Variants in PROM1 observed in about 807,000 individuals in gnomAD.
PROM1 encodes prominin-1.
Under a neutral mutation model 116.9 loss-of-function variants are expected in PROM1, and 105 were observed. The observed-to-expected ratio is 0.90, with a 90% CI of 0.77 to 1.06. The LOEUF (loss-of-function observed/expected upper bound fraction) is 1.06. PROM1 is among the 50% of genes least tolerant of loss of function. The pLI is 0.00. For missense variants in PROM1, 1,122 were observed against 1,045.2 expected, an observed-to-expected ratio of 1.07 and a Z score of -1.01; for synonymous variants, 393 against 387.0, an observed-to-expected ratio of 1.02 and a Z score of -0.18.
chr4:16,000,491 T>C lies in PROM1; in HGVS notation c.1578+5A>G. ...CTTTCATAATGGGTAGAAAATCATA[T>C]TTACCCGGAATAATTCCTTGCTCGT... On this transcript the variant is annotated splice_donor_5th_base_variant and intron_variant, in intron 14 of 27. Coordinates refer to ENST00000447510, the MANE Select transcript of PROM1 (RefSeq NM_006017.3). 6.3e-7 allele frequency: 1 copy of C among 1,578,384 alleles called. No individual in the cohort carries two copies. The highest frequency in any genetic ancestry group is 1.1e-5 in the South Asian group (1 of 87,668).
chr4:16,001,178 A>G (rs1210583286), intron 13 of PROM1, among the ~76,000 whole-genome samples: 3 of 152,152 alleles, frequency 2.0e-5, no homozygotes, highest in Admixed American at 6.5e-5. Context: ...CACAGGAGGC[A>G]TAATATAGGA....
Position 15,989,832 on chromosome 4 carries a change from A to G in PROM1, c.1984-8T>C. 2 of 1,580,510 alleles carry G rather than the reference A, an allele frequency of 1.3e-6. No homozygotes were observed. The highest frequency in any genetic ancestry group is 1.7e-6 in the Non-Finnish European group (2 of 1,157,692). ...CCTCAAATTTCCTGGGGGCTACAAA[A>G]AGAATAAAAAACAAAGATCAATACC... On this transcript the variant is annotated splice_region_variant and splice_polypyrimidine_tract_variant and intron_variant, in intron 18 of 27. Transcript: ENST00000447510.
intron 2 of PROM1, among the ~76,000 whole-genome samples, chr4:16,073,885 A>C (rs899383854): frequency 6.6e-6 from 1 of 152,232 alleles, no homozygotes; most frequent in African/African-American, 2.4e-5. Context: ...CCTTATTAAA[A>C]AAAAAAGTAT....
rs1211255910 is a variant in PROM1, at chr4:16,025,210, G to A, written c.612C>T (p.Leu204=). 6.2e-7 allele frequency: 1 copy of A among 1,613,800 alleles called. No individual in the cohort carries two copies. The highest frequency in any genetic ancestry group is 1.3e-5 in the African/African-American group (1 of 74,940). Residue 204 remains leucine, a synonymous_variant, in exon 6 of 28, where the codon CTC becomes CTT. Transcript: ENST00000447510. ...ADSNFKDLRT[L]LNETPEQIKY... ...TTTTTACCTCTGGAGTTTCATTCAA[G>A]AGAGTTCGCAAGTCCTTGAAATTGC...
intron 23 of PROM1, among the ~76,000 whole-genome samples, chr4:15,982,756 A>G (rs1422595958): frequency 6.6e-6 from 1 of 152,192 alleles, no homozygotes; most frequent in Non-Finnish European, 1.5e-5. Context: ...TGAAGGCTTC[A>G]GCCAAAGCTG....
At chr4:15,998,585 A>G (rs1391318769) in intron 14 of PROM1, 97 bp from the exon 15 acceptor site, 1 of 1,243,216 alleles carries the variant, frequency 8.0e-7, no homozygotes, top group Non-Finnish European at 1.0e-6. Flanking sequence ...TATTTTGGAA[A>G]TTTTTCATAA....
intron 7 of PROM1, 25 bp downstream of exon 7, chr4:16,024,270 T>C (rs2149336519): frequency 6.2e-7 from 1 of 1,601,666 alleles, no homozygotes; most frequent in East Asian, 2.2e-5. Flanking sequence ...AAAAAAAATG[T>C]GAAGCAACTT....
At chr4:16,046,735 C>T (rs1736636889) in intron 2 of PROM1, among the ~76,000 whole-genome samples, 1 of 152,210 alleles carries the variant, frequency 6.6e-6, no homozygotes, top group Non-Finnish European at 1.5e-5. Flanking sequence ...ATCACAAGCT[C>T]GAGGGAGACA....
intron 2 of PROM1, among the ~76,000 whole-genome samples, chr4:16,042,805 A>G (rs1208238909): frequency 6.6e-6 from 1 of 152,168 alleles, no homozygotes; most frequent in Non-Finnish European, 1.5e-5. Flanking sequence ...ACAACTACCT[A>G]TCTCAGTGAG....
At chr4:16,018,652 GAGGGA>G in intron 8 of PROM1, 112 bp from the exon 9 acceptor site, 3 of 912,660 alleles carry the variant, frequency 3.3e-6, no homozygotes, top group Non-Finnish European at 5.1e-6. Flanking sequence ...ATGGCAGTGA[GAGGGA>G]CACACTGCAA....
chr4:16,074,886 T>C (rs1421866370), intron 2 of PROM1, among the ~76,000 whole-genome samples: 1 of 152,202 alleles, frequency 6.6e-6, no homozygotes, highest in African/African-American at 2.4e-5. Flanking sequence ...TTACAGCGAA[T>C]TCTATAATCA....
At chr4:16,013,369 C>A (rs1464070592) in intron 10 of PROM1, 31 bp from the exon 11 acceptor site, 1 of 1,516,502 alleles carries the variant, frequency 6.6e-7, no homozygotes, top group Non-Finnish European at 9.2e-7. Context: ...AAAGGATGTA[C>A]ACAGTTAAGT....
chr4:16,075,588 A>T (rs1216139640), intron 2 of PROM1, 99 bp downstream of exon 2: 1 of 1,201,406 alleles, frequency 8.3e-7, no homozygotes, highest in East Asian at 2.6e-5. Context: ...AATCGCTAAA[A>T]TACTGAATAT....
At chr4:15,971,717 T>A (rs1714600119) in intron 26 of PROM1, 1 of 152,344 alleles carries the variant, frequency 6.6e-6, no homozygotes, top group African/African-American at 2.4e-5. Context: ...TTCAGGTGGA[T>A]CACAACCCCT....
intron 5 of PROM1, among the ~76,000 whole-genome samples, chr4:16,032,188 G>C (rs1370698516): frequency 6.6e-6 from 1 of 150,744 alleles, no homozygotes. Context: ...TTCTACACAT[G>C]GTCTGCAACC....
At chr4:16,001,455 G>C (rs1427938600) in intron 13 of PROM1, among the ~76,000 whole-genome samples, 1 of 152,144 alleles carries the variant, frequency 6.6e-6, no homozygotes, top group Non-Finnish European at 1.5e-5. Context: ...AAACAGCCTA[G>C]GGCTGGGTCT....
intron 26 of PROM1, among the ~76,000 whole-genome samples, chr4:15,978,958 T>C (rs977261179): frequency 6.6e-6 from 1 of 151,080 alleles, no homozygotes; most frequent in South Asian, 2.1e-4. Context: ...CTTTTTCTGG[T>C]TGGTTACAGT....
At chr4:15,973,762 GC>G (rs1431825657) in intron 26 of PROM1, among the ~76,000 whole-genome samples, 1 of 151,976 alleles carries the variant, frequency 6.6e-6, no homozygotes, top group African/African-American at 2.4e-5. Flanking sequence ...ACTTTTCTTT[GC>G]CCACCTGCCT....
At chr4:16,016,054 C>A in intron 10 of PROM1, 112 bp downstream of exon 10, 2 of 966,864 alleles carry the variant, frequency 2.1e-6, no homozygotes, top group South Asian at 1.6e-5. Context: ...CCCTTCTTGG[C>A]AACCTTTCTC....
Sources: gnomAD v4.1 joint callset for allele counts (sites outside exome capture counted in the v4.1 genomes callset) on GRCh38, gnomAD v4.1.1 for gene constraint, MANE v1.5 for transcripts, NCBI Gene and HGNC (gene_info 2026-07-23, HGNC 2026-07-21) for gene names.